The following SIK3 variants were observed in gnomAD, a reference collection of about 807,000 sequenced individuals.
The protein encoded by SIK3 is serine/threonine-protein kinase SIK3.
Under a neutral mutation model 144.2 loss-of-function variants are expected in SIK3, and 28 were observed. That is an observed-to-expected ratio of 0.19 (90% CI 0.14 to 0.27). The LOEUF (loss-of-function observed/expected upper bound fraction) is 0.27, where lower values mean the gene tolerates loss of function less well. SIK3 is among the 10% of genes least tolerant of loss of function. SIK3 has a pLI of 1.00. For missense variants in SIK3, 1,319 were observed against 1,776.0 expected, an observed-to-expected ratio of 0.74 and a Z score of 4.62; for synonymous variants, 686 against 676.3, an observed-to-expected ratio of 1.01 and a Z score of -0.22.
At chr11:116,889,901 A>G (rs766560896) in intron 6 of SIK3, among the ~76,000 whole-genome samples, 1 of 152,200 alleles carries the variant, frequency 6.6e-6, no homozygotes, top group African/African-American at 2.4e-5. Context: ...TCAAAAAATA[A>G]ACCTATTAAA....
intron 1 of SIK3, among the ~76,000 whole-genome samples, chr11:117,051,866 G>A (rs566460319): frequency 3.3e-5 from 5 of 151,476 alleles, no homozygotes; most frequent in African/African-American, 7.3e-5. Context: ...TATCCAGGCC[G>A]GGCGTGGTGG....
rs961147926 is a variant in SIK3 at position 116,845,554 on chromosome 11, A to G, written c.*89T>C. The G allele has an allele frequency of 9.2e-5, 14 of 152,220 alleles. No homozygotes were observed. Among genetic ancestry groups the G allele is most frequent in the African/African-American group, 3.1e-4 (13 of 41,454 alleles). The allele number at this position is 152,220 out of a possible 1,614,324, so 9.4% of individuals were successfully genotyped here. On this transcript the variant is annotated 3_prime_UTR_variant, in exon 25 of 25. Coordinates refer to ENST00000445177, the MANE Select transcript of SIK3 (RefSeq NM_001366686.3). ...GATATTTTGGGTGGAGAGAAACACAAGGGCAATTTGGCACAACGCTGCTAG... is the reference window on the plus strand; with the variant it reads ...GATATTTTGGGTGGAGAGAAACACAGGGGCAATTTGGCACAACGCTGCTAG...
intron 23 of SIK3, 104 bp downstream of exon 23, chr11:116,847,372 A>G: frequency 6.7e-7 from 1 of 1,492,658 alleles, no homozygotes. Context: ...CTGTGGCTCT[A>G]CCTCCCCATG....
At chr11:116,945,380 CTTTTTTTT>C (rs35915801) in intron 3 of SIK3, among the ~76,000 whole-genome samples, 2 of 95,406 alleles carry the variant, frequency 2.1e-5, no homozygotes, top group African/African-American at 4.2e-5. Context: ...TTCATGAATT[CTTTTTTTT>C]TTTTTTTTTT....
At chr11:116,891,348 G>C (rs1945096643) in intron 6 of SIK3, among the ~76,000 whole-genome samples, 2 of 152,168 alleles carry the variant, frequency 1.3e-5, no homozygotes, top group South Asian at 2.1e-4. Context: ...AGTCATGGTG[G>C]TATACGCCTC....
At chr11:116,950,015 G>C in intron 3 of SIK3, 2 of 443,628 alleles carry the variant, frequency 4.5e-6, no homozygotes, top group Non-Finnish European at 9.1e-6. Context: ...ATGGAGAGCG[G>C]GGGAGGACAG....
intron 1 of SIK3, among the ~76,000 whole-genome samples, chr11:117,016,402 A>C: frequency 8.9e-6 from 1 of 112,586 alleles, no homozygotes; most frequent in South Asian, 3.2e-4. Context: ...GAGGGAAGGA[A>C]GGAAGGAAGG....
At chr11:117,033,122 T>C (rs1952335422) in intron 1 of SIK3, among the ~76,000 whole-genome samples, 1 of 152,208 alleles carries the variant, frequency 6.6e-6, no homozygotes, top group Admixed American at 6.5e-5. Flanking sequence ...ATATTAGGAA[T>C]ACTATAGCTG....
rs1299146521 is a variant in SIK3, at chr11:116,925,094, A to C, written c.616+2125T>G. On this transcript the variant is annotated intron_variant, in intron 4 of 24. Coordinates refer to ENST00000445177, the MANE Select transcript of SIK3 (RefSeq NM_001366686.3). ...CCAGGAGTTCGAGACCAGCACGGCC[A>C]ACATGGTAAAACCCCATCTCTACTA... is the stretch of plus-strand genomic sequence containing the variant. 2.0e-5 allele frequency among the ~76,000 whole-genome samples: 3 copies of C among 152,162 alleles called. No individual in the cohort carries two copies. In the East Asian group the frequency reaches 5.8e-4, roughly 29 times the overall value.
At chr11:116,961,662 A>G (rs1167422442) in intron 1 of SIK3, among the ~76,000 whole-genome samples, 2 of 152,230 alleles carry the variant, frequency 1.3e-5, no homozygotes, top group African/African-American at 4.8e-5. Flanking sequence ...AACTTCCAAC[A>G]TGTTACCAAG....
At position 116,864,310 on chromosome 11, in the gene SIK3, T is replaced by A. The variant is rs1051445478; in HGVS notation, c.1953-492A>T. On this transcript the variant is annotated intron_variant, in intron 15 of 24. Transcript: ENST00000445177. Reference sequence around the variant, plus strand: ...GGTCTGGCCTAGAACTCATAGGTTCTGTGACAGAAAATAGAAGGTGGCGAT... The same window carrying A: ...GGTCTGGCCTAGAACTCATAGGTTCAGTGACAGAAAATAGAAGGTGGCGAT... The A allele has an allele frequency of 2.6e-5, 4 of 152,520 alleles. No homozygotes were observed. The East Asian group carries it at 7.7e-4, about 29-fold the overall frequency. 9.4% of individuals were successfully genotyped at this position (152,520 alleles called of 1,614,324 possible). A position where few individuals can be genotyped will look rare whatever the true frequency, so the allele number is the denominator to read the frequency against.
At chr11:116,862,617 G>A (rs1208157743) in intron 16 of SIK3, among the ~76,000 whole-genome samples, 3 of 152,194 alleles carry the variant, frequency 2.0e-5, no homozygotes, top group Non-Finnish European at 2.9e-5. Flanking sequence ...TTGGTCATCA[G>A]GAAGGCAGAA....
intron 4 of SIK3, among the ~76,000 whole-genome samples, chr11:116,917,113 C>T (rs1388490187): frequency 6.6e-6 from 1 of 152,056 alleles, no homozygotes; most frequent in Non-Finnish European, 1.5e-5. Flanking sequence ...TGCGACCACA[C>T]CTGGCTTCCA....
chr11:116,907,808 A>G (rs569884289), intron 4 of SIK3, among the ~76,000 whole-genome samples: 68 of 152,312 alleles, frequency 4.5e-4, no homozygotes, highest in African/African-American at 1.6e-3. Flanking sequence ...CATAGAAAAG[A>G]ATGGTAGACA....
chr11:117,056,664 T>C (rs573726570), intron 1 of SIK3, among the ~76,000 whole-genome samples: 1 of 152,066 alleles, frequency 6.6e-6, no homozygotes, highest in Non-Finnish European at 1.5e-5. Context: ...AGAGCTTCTA[T>C]CTCACCTGCT....
In SIK3 at chr11:116,844,944, G is replaced by A. The variant is rs944582716; in HGVS notation, c.*699C>T. On this transcript the variant is annotated 3_prime_UTR_variant, in exon 25 of 25. Coordinates refer to ENST00000445177, the MANE Select transcript of SIK3 (RefSeq NM_001366686.3). ...CTATGCCAGGTCATTCTCAGCCTCCGTGCCAAACTCTTCATATGATCTTGG... is the reference window on the plus strand; with the variant it reads ...CTATGCCAGGTCATTCTCAGCCTCCATGCCAAACTCTTCATATGATCTTGG... 2.6e-5 allele frequency: 4 copies of A among 151,814 alleles called. No individual in the cohort carries two copies. Among genetic ancestry groups the A allele is most frequent in the African/African-American group, 4.8e-5 (2 of 41,352 alleles). 9.4% of individuals were successfully genotyped at this position (151,814 alleles called of 1,614,324 possible).
intron 15 of SIK3, among the ~76,000 whole-genome samples, chr11:116,865,309 T>C (rs1943573406): frequency 6.6e-6 from 1 of 152,116 alleles, no homozygotes; most frequent in South Asian, 2.1e-4. Flanking sequence ...TTCTCTCCCA[T>C]CACAGAAAAT....
rs12279040 is a variant in SIK3 at position 116,985,452 on chromosome 11, A to C, written c.274-28388T>G. On this transcript the variant is annotated intron_variant, in intron 1 of 24. Coordinates refer to ENST00000445177, the MANE Select transcript of SIK3 (RefSeq NM_001366686.3). ...ATTCATTACAGCCTAGAAATTAGTTAATCTTACTAGTTGAGTTTGCGCTTG... is the reference window on the plus strand; with the variant it reads ...ATTCATTACAGCCTAGAAATTAGTTCATCTTACTAGTTGAGTTTGCGCTTG... 7.6e-3 allele frequency among the ~76,000 whole-genome samples: 1,164 copies of C among 152,316 alleles called. 14 individuals carry two copies. The highest frequency in any genetic ancestry group is 0.024 in the African/African-American group (999 of 41,568).
intron 3 of SIK3, among the ~76,000 whole-genome samples, chr11:116,948,772 T>C (rs1180850289): frequency 6.6e-6 from 1 of 152,154 alleles, no homozygotes; most frequent in Non-Finnish European, 1.5e-5. Flanking sequence ...ATTTCATAAT[T>C]TCTGCTATAA....
Sources: gnomAD v4.1 joint callset for allele counts (sites outside exome capture counted in the v4.1 genomes callset) on GRCh38, gnomAD v4.1.1 for gene constraint, MANE v1.5 for transcripts, NCBI Gene and HGNC (gene_info 2026-07-23, HGNC 2026-07-21) for gene names.